GFRA2: variants seen among roughly 807,000 people sequenced by gnomAD.
GFRA2 encodes GDNF family receptor alpha-2.
GFRA2 carries 17 observed loss-of-function variants against 48.3 expected under a neutral mutation model. That is an observed-to-expected ratio of 0.35 (90% CI 0.24 to 0.53). The LOEUF (loss-of-function observed/expected upper bound fraction) is 0.53. Among genes scored for constraint, GFRA2 ranks in the 20% least tolerant of loss-of-function variants. The probability of loss-of-function intolerance (pLI) is 0.93; values close to 1 mark genes in which losing one functional copy is unlikely to be tolerated. For synonymous variants in GFRA2, 305 were observed against 257.2 expected (o/e 1.19, Z -1.78); for missense variants, 660 against 637.3 (o/e 1.04, Z -0.38).
intron 4 of GFRA2, among the ~76,000 whole-genome samples, chr8:21,713,167 T>A (rs75557967): frequency 1.3e-5 from 2 of 152,078 alleles, no homozygotes; most frequent in Non-Finnish European, 2.9e-5. Context: ...ATTTGTTGGA[T>A]CTGGCAACTC....
intron 7 of GFRA2, among the ~76,000 whole-genome samples, chr8:21,697,418 T>C (rs1397426120): frequency 6.6e-6 from 1 of 152,020 alleles, no homozygotes; most frequent in Non-Finnish European, 1.5e-5. Flanking sequence ...AACACCTCCC[T>C]GGGCCATCCC....
At chr8:21,710,811 G>A (rs115901721) in intron 4 of GFRA2, among the ~76,000 whole-genome samples, 1,720 of 152,332 alleles carry the variant, frequency 0.011, 22 homozygotes, top group African/African-American at 0.039. Context: ...AAGCAGCTAA[G>A]CCTTCTGTTC....
chr8:21,788,805 T>G lies in GFRA2; in HGVS notation c.-646A>C. On this transcript the variant is annotated 5_prime_UTR_variant, in exon 1 of 9. Transcript: ENST00000524240. ...GTGACCGTGTGTCTCTGCGTGCGTG[T>G]GTCTTTCTCTCTCCTCTCTCTCTCT... 1.0e-6 allele frequency: 1 copy of G among 985,408 alleles called. No individual in the cohort carries two copies. The highest frequency in any genetic ancestry group is 1.2e-6 in the Non-Finnish European group (1 of 829,928). 61.0% of individuals were successfully genotyped at this position (985,408 alleles called of 1,614,324 possible). A position where few individuals can be genotyped will look rare whatever the true frequency, so the allele number is the denominator to read the frequency against.
intron 4 of GFRA2, among the ~76,000 whole-genome samples, chr8:21,726,262 T>C (rs1347688053): frequency 1.3e-5 from 2 of 152,224 alleles, no homozygotes; most frequent in Non-Finnish European, 2.9e-5. Flanking sequence ...AAGCCCCTGC[T>C]GCCCAGCTCT....
At chr8:21,702,244 C>A (rs982137110) in intron 7 of GFRA2, among the ~76,000 whole-genome samples, 12 of 152,112 alleles carry the variant, frequency 7.9e-5, no homozygotes, top group African/African-American at 2.9e-4. Context: ...GGAAGAGCTC[C>A]CCACCCAGTC....
intron 2 of GFRA2, among the ~76,000 whole-genome samples, chr8:21,799,783 C>T (rs2117112047): frequency 6.6e-6 from 1 of 152,268 alleles, no homozygotes; most frequent in African/African-American, 2.4e-5. Context: ...GAAGGCATGG[C>T]CCATAACGAG....
intron 4 of GFRA2, among the ~76,000 whole-genome samples, chr8:21,708,923 G>A (rs751962727): frequency 1.1e-4 from 17 of 152,298 alleles, no homozygotes; most frequent in Non-Finnish European, 2.2e-4. Context: ...TTGCTACAGC[G>A]GCCCCAGGAA....
intron 4 of GFRA2, among the ~76,000 whole-genome samples, chr8:21,714,511 A>G (rs907498922): frequency 2.0e-5 from 3 of 151,928 alleles, no homozygotes; most frequent in Non-Finnish European, 4.4e-5. Context: ...TCAGCCTCCC[A>G]AAGTGCTAGA....
chr8:21,705,888 G>A (rs1252122448), intron 5 of GFRA2, 44 bp downstream of exon 5: 5 of 1,322,910 alleles, frequency 3.8e-6, no homozygotes, highest in Non-Finnish European at 5.3e-6. Context: ...CTGAGATGGG[G>A]GCAGCAAGGA....
At chr8:21,798,152 G>A (rs1201453833) in intron 2 of GFRA2, among the ~76,000 whole-genome samples, 2 of 152,172 alleles carry the variant, frequency 1.3e-5, no homozygotes, top group African/African-American at 4.8e-5. Flanking sequence ...CCCTTGCCCT[G>A]GGATGGGCCC....
At chr8:21,735,736 C>T (rs1804426316) in intron 4 of GFRA2, among the ~76,000 whole-genome samples, 1 of 152,152 alleles carries the variant, frequency 6.6e-6, no homozygotes, top group Non-Finnish European at 1.5e-5. Context: ...GATCACAGCT[C>T]ACTGCAGCCT....
chr8:21,752,922 G>A (rs1805369608), intron 3 of GFRA2, among the ~76,000 whole-genome samples: 1 of 152,038 alleles, frequency 6.6e-6, no homozygotes, highest in African/African-American at 2.4e-5. Flanking sequence ...CACCGCCACT[G>A]CTGCCACCTG....
chr8:21,786,145 C>T (rs1807258099), intron 1 of GFRA2, among the ~76,000 whole-genome samples: 1 of 152,238 alleles, frequency 6.6e-6, no homozygotes, highest in African/African-American at 2.4e-5. Flanking sequence ...CCTCTCAACA[C>T]TCAGCCTCCA....
chr8:21,704,093 C>T (rs1388056847), intron 6 of GFRA2, among the ~76,000 whole-genome samples: 2 of 152,236 alleles, frequency 1.3e-5, no homozygotes, highest in Non-Finnish European at 2.9e-5. Context: ...TGGTCATCTT[C>T]AGTGCTATGT....
At chr8:21,744,550 A>AACACACACACACACACACACACACAC (rs71721911) in intron 4 of GFRA2, among the ~76,000 whole-genome samples, 20 of 140,222 alleles carry the variant, frequency 1.4e-4, no homozygotes, top group Middle Eastern at 3.5e-3. Flanking sequence ...AACCACCACC[A>AACACACACACACACACACACACACAC]ACACACACAC....
intron 4 of GFRA2, among the ~76,000 whole-genome samples, chr8:21,724,639 G>C (rs192798708): frequency 6.6e-6 from 1 of 152,272 alleles, no homozygotes; most frequent in African/African-American, 2.4e-5. Context: ...AGGGTCTGCA[G>C]GGGGTGAATT....
intron 4 of GFRA2, among the ~76,000 whole-genome samples, chr8:21,712,140 T>C (rs1803073888): frequency 6.6e-6 from 1 of 152,238 alleles, no homozygotes; most frequent in South Asian, 2.1e-4. Flanking sequence ...CTTTCCCCCT[T>C]TTCTATTCCA....
intron 4 of GFRA2, among the ~76,000 whole-genome samples, chr8:21,738,249 G>T (rs945565406): frequency 7.2e-6 from 1 of 138,598 alleles, no homozygotes; most frequent in African/African-American, 2.7e-5. Flanking sequence ...CTTTTCTCAG[G>T]TGACAACATC....
chr8:21,788,637 T>C lies in GFRA2; in HGVS notation c.-478A>G. Reference sequence around the variant, plus strand: ...AATAGAAAAGAAATCCACAGACGGGTGTCAGCGCCCAAGAACAATCCAGTC... The same window carrying C: ...AATAGAAAAGAAATCCACAGACGGGCGTCAGCGCCCAAGAACAATCCAGTC... On this transcript the variant is annotated 5_prime_UTR_variant, in exon 1 of 9. Transcript: ENST00000524240. The C allele has an allele frequency of 1.0e-6, 1 of 986,868 alleles. No homozygotes were observed. Among genetic ancestry groups the C allele is most frequent in the Non-Finnish European group, 1.2e-6 (1 of 831,038 alleles). 61.1% of individuals were successfully genotyped at this position (986,868 alleles called of 1,614,324 possible). A position where few individuals can be genotyped will look rare whatever the true frequency, so the allele number is the denominator to read the frequency against.
Sources: gnomAD v4.1 joint callset for allele counts (sites outside exome capture counted in the v4.1 genomes callset) on GRCh38, gnomAD v4.1.1 for gene constraint, MANE v1.5 for transcripts, NCBI Gene and HGNC (gene_info 2026-07-23, HGNC 2026-07-21) for gene names.